The following LNPK variants were observed in gnomAD, a reference collection of about 807,000 sequenced individuals.
LNPK encodes lunapark, ER junction formation factor.
A neutral mutation model predicts 55.2 loss-of-function variants in LNPK; 29 were observed. The observed-to-expected ratio is 0.53, with a 90% CI of 0.39 to 0.72. The LOEUF (loss-of-function observed/expected upper bound fraction) is 0.72. Among genes scored for constraint, LNPK ranks in the 30% least tolerant of loss-of-function variants. The pLI is 0.00. For missense variants in LNPK, 467 were observed against 494.8 expected (o/e 0.94, Z 0.53); for synonymous variants, 162 against 168.2 (o/e 0.96, Z 0.29).
chr2:175,944,658 C>A (rs1685033769), intron 9 of LNPK, among the ~76,000 whole-genome samples: 1 of 151,986 alleles, frequency 6.6e-6, no homozygotes, highest in South Asian at 2.1e-4. Flanking sequence ...AAAATGGAAC[C>A]CTGTTGGAAG....
At chr2:175,945,822 T>C (rs1262483388) in intron 9 of LNPK, among the ~76,000 whole-genome samples, 2 of 152,194 alleles carry the variant, frequency 1.3e-5, no homozygotes, top group African/African-American at 4.8e-5. Flanking sequence ...CATGCTGTTA[T>C]AGACAATGGT....
At chr2:175,960,628 G>A (rs866070105) in intron 8 of LNPK, among the ~76,000 whole-genome samples, 6 of 151,832 alleles carry the variant, frequency 4.0e-5, no homozygotes, top group South Asian at 4.2e-4. Flanking sequence ...AAATCGACAC[G>A]CTAACAACAC....
At chr2:175,962,699 C>A (rs1197877408) in intron 8 of LNPK, among the ~76,000 whole-genome samples, 1 of 152,130 alleles carries the variant, frequency 6.6e-6, no homozygotes, top group African/African-American at 2.4e-5. Flanking sequence ...CCACAATAGA[C>A]AAATGGGATC....
chr2:175,975,898 A>G (rs1686886680), intron 5 of LNPK, among the ~76,000 whole-genome samples: 1 of 152,222 alleles, frequency 6.6e-6, no homozygotes, highest in South Asian at 2.1e-4. Context: ...CTGTAATCCC[A>G]GCTACTTGGG....
At chr2:175,989,066 C>T (rs747479955) in intron 4 of LNPK, among the ~76,000 whole-genome samples, 5 of 152,170 alleles carry the variant, frequency 3.3e-5, no homozygotes, top group East Asian at 1.9e-4. Context: ...TGAGCCACCA[C>T]GCCTGGCTGA....
intron 4 of LNPK, among the ~76,000 whole-genome samples, chr2:175,988,375 G>A (rs1000284056): frequency 4.6e-5 from 7 of 151,710 alleles, no homozygotes; most frequent in Non-Finnish European, 8.8e-5. Flanking sequence ...AGATAGGGAT[G>A]GTGGTGAATG....
chr2:175,935,144 GAA>G (rs1684478271), intron 12 of LNPK, among the ~76,000 whole-genome samples: 1 of 152,054 alleles, frequency 6.6e-6, no homozygotes, highest in Non-Finnish European at 1.5e-5. Context: ...TTTGTTTAAA[GAA>G]AAGTTTGGAT....
At chr2:175,941,621 T>C (rs1407258782) in intron 9 of LNPK, among the ~76,000 whole-genome samples, 1 of 150,892 alleles carries the variant, frequency 6.6e-6, no homozygotes, top group Admixed American at 6.6e-5. Flanking sequence ...TGAAACCCTG[T>C]CTCTACTAAA....
chr2:175,962,072 G>T (rs545190391), intron 8 of LNPK, among the ~76,000 whole-genome samples: 4 of 152,208 alleles, frequency 2.6e-5, no homozygotes, highest in African/African-American at 7.2e-5. Flanking sequence ...ACAAATAGAA[G>T]AACATTCCAT....
chr2:175,935,573 T>A (rs563003371), intron 12 of LNPK: 1 of 156,440 alleles, frequency 6.4e-6, no homozygotes, highest in Non-Finnish European at 1.4e-5. Context: ...ATAGCCACTT[T>A]GATGAATCCA....
chr2:175,950,151 G>A (rs546824925), intron 8 of LNPK, among the ~76,000 whole-genome samples: 1 of 151,974 alleles, frequency 6.6e-6, no homozygotes, highest in East Asian at 1.9e-4. Context: ...CCTCATCAAT[G>A]ATCAATGACC....
chr2:175,973,050 T>A (rs907547646), intron 5 of LNPK, among the ~76,000 whole-genome samples: 10 of 152,176 alleles, frequency 6.6e-5, no homozygotes, highest in African/African-American at 1.9e-4. Context: ...ATAGCACTTT[T>A]AAAAAAAATT....
chr2:175,930,413 T>A (rs2105508290), intron 12 of LNPK, among the ~76,000 whole-genome samples: 1 of 151,494 alleles, frequency 6.6e-6, no homozygotes, highest in East Asian at 1.9e-4. Flanking sequence ...AAAAAAAAAG[T>A]AATTCAGAGG....
chr2:175,998,183 C>T (rs1688019550), intron 1 of LNPK, among the ~76,000 whole-genome samples: 1 of 152,092 alleles, frequency 6.6e-6, no homozygotes, highest in South Asian at 2.1e-4. Context: ...GTGGCTCACG[C>T]CTGTAATCCC....
intron 8 of LNPK, among the ~76,000 whole-genome samples, chr2:175,956,595 T>A (rs1200220132): frequency 6.6e-6 from 1 of 152,198 alleles, no homozygotes; most frequent in African/African-American, 2.4e-5. Flanking sequence ...CTTTATTTTT[T>A]AAAATGCTTT....
intron 4 of LNPK, among the ~76,000 whole-genome samples, chr2:175,987,511 CAGG>C (rs2105706080): frequency 6.6e-6 from 1 of 152,068 alleles, no homozygotes; most frequent in South Asian, 2.1e-4. Context: ...CATCACACAC[CAGG>C]GCCTGTTGTG....
intron 1 of LNPK, 150 bp from the exon 2 acceptor site, chr2:175,995,796 G>T: frequency 6.1e-6 from 1 of 163,004 alleles, no homozygotes; most frequent in African/African-American, 2.7e-5. Flanking sequence ...TATTGGGATA[G>T]AGTCTACCTT....
chr2:175,953,820 A>T (rs1290866434), intron 8 of LNPK, among the ~76,000 whole-genome samples: 1 of 152,098 alleles, frequency 6.6e-6, no homozygotes, highest in Non-Finnish European at 1.5e-5. Context: ...ACTTGATGTA[A>T]AATTCAAAGC....
chr2:175,944,521 C>T (rs1390858540), intron 9 of LNPK, among the ~76,000 whole-genome samples: 1 of 151,990 alleles, frequency 6.6e-6, no homozygotes, highest in African/African-American at 2.4e-5. Flanking sequence ...ACACAGAAGG[C>T]ACTGAGAAGA....
Sources: gnomAD v4.1 joint callset for allele counts (sites outside exome capture counted in the v4.1 genomes callset) on GRCh38, gnomAD v4.1.1 for gene constraint, MANE v1.5 for transcripts, NCBI Gene and HGNC (gene_info 2026-07-23, HGNC 2026-07-21) for gene names.